Variants in NRG3 observed in about 807,000 individuals in gnomAD.
NRG3 encodes the protein pro-neuregulin-3, membrane-bound isoform.
NRG3 carries 31 observed loss-of-function variants against 66.9 expected under a neutral mutation model. That is an observed-to-expected ratio of 0.46 (90% confidence interval 0.35 to 0.63). NRG3 has a LOEUF of 0.63. Ranked by LOEUF, NRG3 falls within the 20% of genes least tolerant of loss-of-function variation. The pLI is 0.00. For synonymous variants in NRG3, 393 were observed against 359.4 expected, an observed-to-expected ratio of 1.09 and a Z score of -1.06; for missense variants, 910 against 878.9, an observed-to-expected ratio of 1.04 and a Z score of -0.45.
intron 4 of NRG3, among the ~76,000 whole-genome samples, chr10:82,898,277 C>T (rs1843854889): frequency 6.6e-6 from 1 of 152,174 alleles, no homozygotes; most frequent in African/African-American, 2.4e-5. Context: ...ACTCCCAAAC[C>T]CCCTCACAGT....
intron 2 of NRG3, among the ~76,000 whole-genome samples, chr10:82,580,672 T>C (rs191324488): frequency 4.4e-4 from 67 of 152,150 alleles, no homozygotes; most frequent in Non-Finnish European, 1.9e-4. Context: ...TGGGCTTATT[T>C]TTATCACTTA....
chr10:82,353,672 C>G (rs997700363), intron 1 of NRG3, among the ~76,000 whole-genome samples: 1 of 152,150 alleles, frequency 6.6e-6, no homozygotes, highest in African/African-American at 2.4e-5. Context: ...GTCCCTGTGG[C>G]CCCTAGTGAT....
chr10:82,972,778 T>C (rs1197915434), intron 6 of NRG3, among the ~76,000 whole-genome samples: 1 of 152,168 alleles, frequency 6.6e-6, no homozygotes, highest in East Asian at 1.9e-4. Flanking sequence ...GATTTTATTA[T>C]CTCACCATAT....
At chr10:82,916,702 G>A (rs530064683) in intron 4 of NRG3, among the ~76,000 whole-genome samples, 6 of 151,024 alleles carry the variant, frequency 4.0e-5, no homozygotes, top group East Asian at 3.9e-4. Context: ...TCTCAGCTCC[G>A]CCTCCCAGGT....
chr10:82,823,625 C>T (rs1393683288), intron 3 of NRG3, among the ~76,000 whole-genome samples: 7 of 152,082 alleles, frequency 4.6e-5, no homozygotes. Flanking sequence ...TGAGAGCTCA[C>T]AGCTGTATAT....
At chr10:82,354,113 CAACCTCG>C (rs1315349181) in intron 1 of NRG3, among the ~76,000 whole-genome samples, 1 of 147,422 alleles carries the variant, frequency 6.8e-6, no homozygotes, top group Non-Finnish European at 1.5e-5. Flanking sequence ...CAGCTCACTG[CAACCTCG>C]ACCTCCTGGG....
intron 1 of NRG3, among the ~76,000 whole-genome samples, chr10:82,160,213 T>C (rs1178239261): frequency 6.6e-6 from 1 of 151,984 alleles, no homozygotes; most frequent in Non-Finnish European, 1.5e-5. Flanking sequence ...TTATTTTCAG[T>C]GGTTTTCTGA....
intron 1 of NRG3, chr10:81,877,595 A>G (rs1841788835): frequency 1.2e-6 from 1 of 811,128 alleles, no homozygotes; most frequent in African/African-American, 1.9e-5. Flanking sequence ...AATGTAGTGT[A>G]TTTGTAAGTA....
At chr10:81,981,387 A>G in intron 1 of NRG3, among the ~76,000 whole-genome samples, 1 of 152,234 alleles carries the variant, frequency 6.6e-6, no homozygotes, top group East Asian at 1.9e-4. Flanking sequence ...GTAACAGACT[A>G]AATTCTATTA....
intron 3 of NRG3, among the ~76,000 whole-genome samples, chr10:82,792,802 T>TCC (rs1167397197): frequency 6.6e-6 from 1 of 152,082 alleles, no homozygotes; most frequent in African/African-American, 2.4e-5. Context: ...TGCCTCAGCC[T>TCC]CCTGAGTAGC....
chr10:82,565,161 A>G (rs1590691490), intron 2 of NRG3, among the ~76,000 whole-genome samples: 2 of 152,256 alleles, frequency 1.3e-5, no homozygotes, highest in East Asian at 1.9e-4. Flanking sequence ...TATAAATTTC[A>G]TGGAAGACTT....
At chr10:82,927,487 C>T (rs1847120474) in intron 4 of NRG3, among the ~76,000 whole-genome samples, 1 of 152,036 alleles carries the variant, frequency 6.6e-6, no homozygotes, top group African/African-American at 2.4e-5. Flanking sequence ...AATGCTATCC[C>T]TCCCCTGGCC....
chr10:82,554,519 G>C (rs1270020024), intron 2 of NRG3, among the ~76,000 whole-genome samples: 4 of 152,096 alleles, frequency 2.6e-5, no homozygotes, highest in African/African-American at 9.7e-5. Flanking sequence ...ACTAGAAAAG[G>C]GCAAGGAGCC....
At chr10:82,237,897 A>G (rs916704253) in intron 1 of NRG3, among the ~76,000 whole-genome samples, 6 of 152,164 alleles carry the variant, frequency 3.9e-5, no homozygotes, top group Non-Finnish European at 7.4e-5. Context: ...TTAATTGTCA[A>G]AGAGCTTGGA....
intron 1 of NRG3, among the ~76,000 whole-genome samples, chr10:82,033,344 C>G (rs1264875031): frequency 1.3e-5 from 2 of 152,218 alleles, no homozygotes; most frequent in Middle Eastern, 3.4e-3. Context: ...ACATTGTTCC[C>G]TCTTTATTGG....
At chr10:82,349,797 C>G (rs2083302471) in intron 1 of NRG3, among the ~76,000 whole-genome samples, 1 of 152,170 alleles carries the variant, frequency 6.6e-6, no homozygotes, top group African/African-American at 2.4e-5. Context: ...GTCGGAAAAG[C>G]GCAGTATTCG....
At chr10:82,538,653 C>T (rs193056546) in intron 2 of NRG3, among the ~76,000 whole-genome samples, 56 of 151,580 alleles carry the variant, frequency 3.7e-4, no homozygotes, top group Admixed American at 7.9e-4. Flanking sequence ...CTGAAAAGTA[C>T]GAAATGAATT....
At chr10:82,348,345 A>G (rs1049262353) in intron 1 of NRG3, among the ~76,000 whole-genome samples, 1 of 146,778 alleles carries the variant, frequency 6.8e-6, no homozygotes, top group Non-Finnish European at 1.5e-5. Flanking sequence ...TTGGCTGGAT[A>G]TGAAATTCTG....
intron 2 of NRG3, among the ~76,000 whole-genome samples, chr10:82,438,225 A>G (rs953221390): frequency 1.8e-4 from 28 of 152,082 alleles, no homozygotes; most frequent in African/African-American, 6.3e-4. Context: ...GAGATCCAAA[A>G]CCTGTCCCTG....
Sources: gnomAD v4.1 joint callset for allele counts (sites outside exome capture counted in the v4.1 genomes callset) on GRCh38, gnomAD v4.1.1 for gene constraint, MANE v1.5 for transcripts, NCBI Gene and HGNC (gene_info 2026-07-23, HGNC 2026-07-21) for gene names.